CFAP91: variants seen among roughly 807,000 people sequenced by gnomAD.
CFAP91 encodes cilia and flagella associated protein 91, also known as cilia- and flagella-associated protein 91.
Under a neutral mutation model 95.9 loss-of-function variants are expected in CFAP91, and 85 were observed. The observed-to-expected ratio is 0.89, with a 90% CI of 0.74 to 1.06. The LOEUF (loss-of-function observed/expected upper bound fraction) is 1.06, where lower values mean the gene tolerates loss of function less well. Among genes scored for constraint, CFAP91 ranks in the 50% least tolerant of loss-of-function variants. The probability of loss-of-function intolerance (pLI) is 0.00; values close to 1 mark genes in which losing one functional copy is unlikely to be tolerated. For synonymous variants in CFAP91, 335 were observed against 327.5 expected (o/e 1.02, Z -0.25); for missense variants, 962 against 943.4 (o/e 1.02, Z -0.26).
chr3:119,758,519 A>G (rs1302023479), intron 17 of CFAP91, among the ~76,000 whole-genome samples: 1 of 152,176 alleles, frequency 6.6e-6, no homozygotes, highest in Non-Finnish European at 1.5e-5. Context: ...AACAAGTGCA[A>G]AGGAAATTTC....
chr3:119,742,275 A>G (rs1201146996), intron 13 of CFAP91, among the ~76,000 whole-genome samples: 6 of 152,168 alleles, frequency 3.9e-5, no homozygotes, highest in Non-Finnish European at 8.8e-5. Context: ...CACCCTGGAT[A>G]TATGCAGGGA....
chr3:119,761,237 T>C (rs2054532840), intron 17 of CFAP91, among the ~76,000 whole-genome samples: 1 of 151,784 alleles, frequency 6.6e-6, no homozygotes, highest in Non-Finnish European at 1.5e-5. Context: ...TAAACAATTA[T>C]ATACCAACAA....
intron 12 of CFAP91, among the ~76,000 whole-genome samples, chr3:119,739,739 A>G (rs993157397): frequency 6.6e-6 from 1 of 152,246 alleles, no homozygotes; most frequent in African/African-American, 2.4e-5. Flanking sequence ...TCCCTACATT[A>G]TAAATGAAAG....
In CFAP91 at chr3:119,725,716, C is replaced by T. The variant is rs76807068; in HGVS notation, c.683-455C>T. On this transcript the variant is annotated intron_variant, in intron 6 of 17. Transcript: ENST00000273390. ...AGGCCACAGTGAGCTGTAATCACAT[C>T]TCTATACTCCAGCCTGGGCAACAGA... is the stretch of plus-strand genomic sequence containing the variant. Among the ~76,000 whole-genome samples, 4 of 151,876 alleles carry T rather than the reference C, an allele frequency of 2.6e-5. No homozygotes were observed. In the East Asian group the frequency reaches 7.7e-4, roughly 29 times the overall value.
chr3:119,720,059 A>G (rs1328365533), intron 6 of CFAP91, among the ~76,000 whole-genome samples: 1 of 150,488 alleles, frequency 6.6e-6, no homozygotes, highest in Admixed American at 6.6e-5. Flanking sequence ...TGGGTGACAG[A>G]GCGAGACTCC....
chr3:119,747,385 A>G, intron 15 of CFAP91, 122 bp downstream of exon 15: 2 of 1,144,938 alleles, frequency 1.7e-6, no homozygotes, highest in Non-Finnish European at 2.4e-6. Flanking sequence ...TTCAGCGTCC[A>G]TTGTTTTATT....
In CFAP91 at chr3:119,747,174, C is replaced by G; in HGVS notation, c.1962C>G (p.Thr654=). The G allele has an allele frequency of 6.2e-7, 1 of 1,613,352 alleles. No homozygotes were observed. The highest frequency in any genetic ancestry group is 1.7e-4 in the Middle Eastern group (1 of 6,060). Residue 654 remains threonine (T), a synonymous_variant, in exon 15 of 18, where the codon ACC becomes ACG. Coordinates refer to ENST00000273390, the MANE Select transcript of CFAP91 (RefSeq NM_033364.4). ...SSYLEDIILN[T]EANTAEEQAR... ...ACCTAGAAGACATAATACTGAATACCGAAGCGAATACTGCAGAAGAACAAG... is the reference window on the plus strand; with the variant it reads ...ACCTAGAAGACATAATACTGAATACGGAAGCGAATACTGCAGAAGAACAAG...
intron 8 of CFAP91, 79 bp downstream of exon 8, chr3:119,730,456 A>G (rs2053873844): frequency 2.8e-6 from 4 of 1,420,132 alleles, no homozygotes; most frequent in South Asian, 1.3e-5. Context: ...TGACTTAACT[A>G]TGATATAATT....
intron 17 of CFAP91, among the ~76,000 whole-genome samples, chr3:119,756,547 T>G (rs2054432922): frequency 1.3e-5 from 2 of 152,072 alleles, no homozygotes; most frequent in African/African-American, 4.8e-5. Flanking sequence ...CATAAAAAAA[T>G]TATAAGAAAC....
intron 8 of CFAP91, among the ~76,000 whole-genome samples, chr3:119,732,013 G>A (rs1006970046): frequency 1.8e-4 from 27 of 152,068 alleles, no homozygotes; most frequent in African/African-American, 6.0e-4. Flanking sequence ...CCTCTTCTTG[G>A]CCTGGAGCTT....
At chr3:119,756,078 CAAG>C (rs983366015) in intron 17 of CFAP91, among the ~76,000 whole-genome samples, 1 of 152,202 alleles carries the variant, frequency 6.6e-6, no homozygotes, top group Non-Finnish European at 1.5e-5. Context: ...GACTTGTTTT[CAAG>C]AAGACTTCTT....
At chr3:119,762,081 A>G (rs1339746288) in intron 17 of CFAP91, among the ~76,000 whole-genome samples, 1 of 151,874 alleles carries the variant, frequency 6.6e-6, no homozygotes, top group East Asian at 1.9e-4. Flanking sequence ...GGTCTTATAT[A>G]TAGAAAACCC....
chr3:119,743,962 T>C lies in CFAP91; in HGVS notation c.1681-13T>C. The C allele has an allele frequency of 1.3e-6, 2 of 1,584,138 alleles. No individual in the cohort carries two copies. Among genetic ancestry groups the C allele is most frequent in the South Asian group, 2.3e-5 (2 of 88,350 alleles). On this transcript the variant is annotated splice_polypyrimidine_tract_variant and intron_variant, in intron 13 of 17. Coordinates refer to ENST00000273390, the MANE Select transcript of CFAP91 (RefSeq NM_033364.4). ...GGAATTTGTGTCCTTAAAGTTATGT[T>C]ATTCTTTTCAAGGTGTCACTGGTTG... is the stretch of plus-strand genomic sequence containing the variant.
At chr3:119,708,833 G>A (rs1313343721) in intron 4 of CFAP91, among the ~76,000 whole-genome samples, 159 bp downstream of exon 4, 2 of 152,130 alleles carry the variant, frequency 1.3e-5, no homozygotes, top group South Asian at 2.1e-4. Context: ...CAGGAATGTA[G>A]GCTAAGATAT....
Position 119,715,717 on chromosome 3 carries a change from T to A in CFAP91, c.656T>A (p.Leu219His). ...GTATGTCAGGACTCAATCCCTGAGC[T>A]CTTGACCCTGGCTACGCTTACTTGG... ...YVVCQDSIPE[L>H]LTLATLTWGR... Residue 219 changes from leucine (L) to histidine (H), a missense_variant, in exon 6 of 18, where the codon CTC becomes CAC. Transcript: ENST00000273390. 6.2e-7 allele frequency: 1 copy of A among 1,614,104 alleles called. No individual in the cohort carries two copies. The highest frequency in any genetic ancestry group is 1.1e-5 in the South Asian group (1 of 91,070).
intron 5 of CFAP91, 114 bp downstream of exon 5, chr3:119,710,009 C>A: frequency 1.3e-6 from 1 of 792,410 alleles, no homozygotes; most frequent in Non-Finnish European, 2.1e-6. Context: ...GATCACAAAA[C>A]ATTAGAAGGG....
rs779430287 is a variant in CFAP91, at chr3:119,703,223, G to T, written c.124+1G>T. On this transcript the variant is annotated splice_donor_variant, in intron 1 of 17. Transcript: ENST00000273390. LOFTEE classifies it high-confidence loss of function. ...AATCGAGCGTATGATTTTCTGTACGGTAAGGACCGCCGCAGACCTTCCTCC... is the reference window on the plus strand; with the variant it reads ...AATCGAGCGTATGATTTTCTGTACGTTAAGGACCGCCGCAGACCTTCCTCC... 1 of 1,611,726 alleles carries T rather than the reference G, an allele frequency of 6.2e-7. No homozygotes were observed. Among genetic ancestry groups the T allele is most frequent in the Non-Finnish European group, 8.5e-7 (1 of 1,179,038 alleles).
intron 17 of CFAP91, among the ~76,000 whole-genome samples, chr3:119,757,410 G>A (rs2054453909): frequency 6.6e-6 from 1 of 152,108 alleles, no homozygotes; most frequent in Admixed American, 6.5e-5. Context: ...TTGGGAGGCC[G>A]AGGCAGGTGG....
chr3:119,715,669 A>G lies in CFAP91; in HGVS notation c.608A>G (p.Asp203Gly). ...TATCGGGATGCTGACGTTCAAACAG[A>G]TCCATACTCTGCAGAATATGTAGTA... ...TDYRDADVQT[D>G]PYSAEYVVCQ... Residue 203 changes from aspartate to glycine, a missense_variant, in exon 6 of 18, where the codon GAT (aspartate) becomes GGT (glycine). Asp to Gly is a moderately conservative substitution (Grantham distance 94, BLOSUM62 -1). Transcript: ENST00000273390. 1 of 1,613,692 alleles carries G rather than the reference A, an allele frequency of 6.2e-7. No homozygotes were observed. Among genetic ancestry groups the G allele is most frequent in the Non-Finnish European group, 8.5e-7 (1 of 1,179,610 alleles).
Sources: allele counts gnomAD v4.1 joint callset (sites outside exome capture counted in the v4.1 genomes callset), GRCh38; gene constraint gnomAD v4.1.1; transcripts MANE v1.5; gene names NCBI Gene and HGNC (gene_info 2026-07-23, HGNC 2026-07-21).